The following KIF26B variants were observed in gnomAD, a reference collection of about 807,000 sequenced individuals.
KIF26B encodes kinesin family member 26B, also known as kinesin-like protein KIF26B.
KIF26B carries 63 observed loss-of-function variants against 151.2 expected under a neutral mutation model. That is an observed-to-expected ratio of 0.42 (90% CI 0.34 to 0.51). KIF26B has a LOEUF of 0.51. Among genes scored for constraint, KIF26B ranks in the 20% least tolerant of loss-of-function variants. The probability of loss-of-function intolerance (pLI) is 0.07; values close to 1 mark genes in which losing one functional copy is unlikely to be tolerated. For synonymous variants in KIF26B, 1,357 were observed against 1,262.1 expected (o/e 1.08, Z -1.59); for missense variants, 2,813 against 2,913.6 (o/e 0.97, Z 0.79).
In KIF26B at chr1:245,698,337, C is replaced by G; in HGVS notation, c.6027+29C>G. 2.5e-6 allele frequency: 4 copies of G among 1,595,482 alleles called. No homozygotes were observed. The highest frequency in any genetic ancestry group is 3.4e-6 in the Non-Finnish European group (4 of 1,169,244). ...AGGCAGCCTCCTTCCCACCCCCTGCCTACGTGGTGGCAGCTCCCCACCAAG... is the reference window on the plus strand; with the variant it reads ...AGGCAGCCTCCTTCCCACCCCCTGCGTACGTGGTGGCAGCTCCCCACCAAG... On this transcript the variant is annotated intron_variant, in intron 13 of 14. Coordinates refer to ENST00000407071, the MANE Select transcript of KIF26B (RefSeq NM_018012.4). This position sits in a 1 kb window ranked among gnomAD's most constrained non-coding sequence, Gnocchi z 4.0.
intron 2 of KIF26B, among the ~76,000 whole-genome samples, chr1:245,206,186 T>G (rs1669403055): frequency 6.6e-6 from 1 of 152,212 alleles, no homozygotes; most frequent in South Asian, 2.1e-4. Context: ...CCCTTCTTAT[T>G]CTCCAGCTCC....
rs111593303 is a variant in KIF26B, at chr1:245,323,407, T to C, written c.466-43427T>C. Among the ~76,000 whole-genome samples the C allele has an allele frequency of 4.4e-3, 666 of 152,338 alleles. 3 individuals carry two copies. Among genetic ancestry groups the C allele is most frequent in the African/African-American group, 0.014 (592 of 41,570 alleles). The stretch of plus-strand genomic sequence containing the variant: ...TGAAATATAGGAAAAATAACTTCAT[T>C]GTAGACAAAGGTCACAATTTCAAGA... On this transcript the variant is annotated intron_variant, in intron 2 of 14. Coordinates refer to ENST00000407071, the MANE Select transcript of KIF26B (RefSeq NM_018012.4).
intron 4 of KIF26B, among the ~76,000 whole-genome samples, chr1:245,437,045 C>T (rs541047023): frequency 6.6e-6 from 1 of 152,226 alleles, no homozygotes; most frequent in South Asian, 2.1e-4. Flanking sequence ...TGCCACCATG[C>T]CTGGCTAATT....
At chr1:245,191,928 A>G (rs976328409) in intron 2 of KIF26B, among the ~76,000 whole-genome samples, 3 of 152,212 alleles carry the variant, frequency 2.0e-5, no homozygotes, top group Non-Finnish European at 4.4e-5. Flanking sequence ...AAGATTTTGT[A>G]AAATGTGATA....
chr1:245,265,201 C>CAAAA (rs59716075), intron 2 of KIF26B, among the ~76,000 whole-genome samples: 1 of 47,360 alleles, frequency 2.1e-5, no homozygotes, highest in African/African-American at 7.3e-5. Context: ...GACTCCATCT[C>CAAAA]AAAAAAAAAA....
chr1:245,655,427 A>C (rs139416164), intron 10 of KIF26B, among the ~76,000 whole-genome samples: 47 of 152,368 alleles, frequency 3.1e-4, no homozygotes, highest in African/African-American at 1.0e-3. Flanking sequence ...CTTTTGACCA[A>C]GTAGATAATT....
At chr1:245,652,101 T>A (rs2044022351) in intron 10 of KIF26B, among the ~76,000 whole-genome samples, 1 of 99,188 alleles carries the variant, frequency 1.0e-5, no homozygotes, top group Non-Finnish European at 2.2e-5. Flanking sequence ...CATGTAAGAA[T>A]CTGTGTGTGT....
chr1:245,411,348 G>A (rs1246552864), intron 3 of KIF26B, among the ~76,000 whole-genome samples: 3 of 152,216 alleles, frequency 2.0e-5, no homozygotes, highest in Non-Finnish European at 4.4e-5. Context: ...GGAAGAAAGA[G>A]TTGAGTGGAA....
chr1:245,637,905 G>A (rs1044982842), intron 9 of KIF26B, among the ~76,000 whole-genome samples: 4 of 151,860 alleles, frequency 2.6e-5, no homozygotes, highest in Admixed American at 1.3e-4. Context: ...GCTTACTATA[G>A]CTTGTAGTAT....
intron 5 of KIF26B, among the ~76,000 whole-genome samples, chr1:245,599,447 G>A (rs755473683): frequency 2.6e-5 from 4 of 152,174 alleles, no homozygotes; most frequent in Non-Finnish European, 5.9e-5. Context: ...TCGGGATTTC[G>A]TTAAGATGCA....
At position 245,687,172 on chromosome 1, in the gene KIF26B, A is replaced by G. The variant is rs1370227250; in HGVS notation, c.4189A>G (p.Ile1397Val). Residue 1397 changes from isoleucine to valine, a missense_variant, in exon 12 of 15, where the codon ATT (isoleucine) becomes GTT (valine). This residue lies in a region of KIF26B where 2,060 missense variants were observed against 2,088.6 expected (regional missense o/e 0.99). Transcript: ENST00000407071. This position sits in a 1 kb window ranked among gnomAD's most constrained non-coding sequence, Gnocchi z 4.9. ...MKTNITVYPC[I>V]AMSPRNIQEP... is the part of the protein sequence containing the mutation. ...GACCAATATCACAGTTTACCCCTGC[A>G]TTGCCATGAGCCCCCGGAACATCCA... 6.2e-7 allele frequency: 1 copy of G among 1,613,112 alleles called. No homozygotes were observed. The highest frequency in any genetic ancestry group is 1.7e-5 in the Admixed American group (1 of 59,982).
At chr1:245,365,140 G>T (rs947271217) in intron 2 of KIF26B, among the ~76,000 whole-genome samples, 4 of 152,172 alleles carry the variant, frequency 2.6e-5, no homozygotes, top group Admixed American at 6.5e-5. Context: ...CCCCTAAGGG[G>T]CCGTTTCAGG....
intron 2 of KIF26B, among the ~76,000 whole-genome samples, chr1:245,298,323 C>A (rs1470696119): frequency 6.6e-6 from 1 of 152,200 alleles, no homozygotes; most frequent in African/African-American, 2.4e-5. Context: ...ATGGCATATT[C>A]TTCAGCGTGG....
intron 9 of KIF26B, among the ~76,000 whole-genome samples, chr1:245,617,778 C>T (rs1303044930): frequency 6.6e-6 from 1 of 152,174 alleles, no homozygotes; most frequent in African/African-American, 2.4e-5. Context: ...CTTCTCAAGC[C>T]TCCTGGCCAC....
chr1:245,604,294 T>C (rs1448692366), intron 6 of KIF26B, among the ~76,000 whole-genome samples: 1 of 152,162 alleles, frequency 6.6e-6, no homozygotes, highest in Non-Finnish European at 1.5e-5. Context: ...CTCTGTGAAT[T>C]TCCTCCAGGC....
At chr1:245,384,266 A>C (rs1430034777) in intron 3 of KIF26B, among the ~76,000 whole-genome samples, 1 of 152,176 alleles carries the variant, frequency 6.6e-6, no homozygotes, top group Non-Finnish European at 1.5e-5. Context: ...GCCATCTGTG[A>C]ATATCACTAA....
At position 245,367,064 on chromosome 1, in the gene KIF26B, G is replaced by A. The variant is rs1392210788; in HGVS notation, c.696G>A (p.Gly232=). The A allele has an allele frequency of 1.2e-6, 2 of 1,604,196 alleles. No individual in the cohort carries two copies. The highest frequency in any genetic ancestry group is 1.7e-5 in the Admixed American group (1 of 58,414). The change falls in exon 3 of 15, where the codon GGG becomes GGA. Residue 232 remains glycine (G), a synonymous_variant. Transcript: ENST00000407071. The surrounding 1 kb of genome is among the most constrained non-coding windows in gnomAD (Gnocchi z 4.2). The part of the protein sequence containing the change: ...PPLSNIPTLV[G]SRHVGGLQQP... ...TCTCCAACATCCCCACCCTGGTGGG[G>A]TCCCGGCACGTGGGTGGGCTCCAGC...
At chr1:245,660,551 G>C (rs1412203946) in intron 10 of KIF26B, among the ~76,000 whole-genome samples, 6 of 151,834 alleles carry the variant, frequency 4.0e-5, no homozygotes, top group Non-Finnish European at 8.8e-5. Context: ...GTGTTGCCCA[G>C]GCTGGTCTTG....
At chr1:245,224,792 T>C (rs1161587380) in intron 2 of KIF26B, among the ~76,000 whole-genome samples, 1 of 152,214 alleles carries the variant, frequency 6.6e-6, no homozygotes, top group Non-Finnish European at 1.5e-5. Flanking sequence ...CCATTCCAAC[T>C]GTGGCGTAGA....
Sources: allele counts gnomAD v4.1 joint callset (sites outside exome capture counted in the v4.1 genomes callset), GRCh38; gene constraint gnomAD v4.1.1; regional missense constraint gnomAD v4.1.1; non-coding constraint Gnocchi (gnomAD v3.1); transcripts MANE v1.5; gene names NCBI Gene and HGNC (gene_info 2026-07-23, HGNC 2026-07-21).